GALNT2: variants seen among roughly 807,000 people sequenced by gnomAD.
GALNT2 encodes the protein polypeptide N-acetylgalactosaminyltransferase 2.
Under a neutral mutation model 81.4 loss-of-function variants are expected in GALNT2, and 31 were observed. The ratio of observed to expected loss-of-function variants is 0.38; its 90% CI spans 0.29 to 0.51. The LOEUF is 0.51. GALNT2 is among the 20% of genes least tolerant of loss of function. GALNT2 has a pLI of 0.87. For missense variants in GALNT2, 629 were observed against 765.7 expected (o/e 0.82, Z 2.11); for synonymous variants, 303 against 287.4 (o/e 1.05, Z -0.55).
At chr1:230,247,302 G>A (rs961193274) in intron 8 of GALNT2, among the ~76,000 whole-genome samples, 9 of 152,198 alleles carry the variant, frequency 5.9e-5, no homozygotes, top group Non-Finnish European at 8.8e-5. Flanking sequence ...CTCAGCCACG[G>A]TCCTAGACAT....
At chr1:230,092,104 A>T (rs1230017132) in intron 1 of GALNT2, 1 of 151,286 alleles carries the variant, frequency 6.6e-6, no homozygotes, top group Non-Finnish European at 1.5e-5. Flanking sequence ...TTTAGTAATC[A>T]GTCAGCAAAA....
chr1:230,223,191 C>CT (rs68127660), intron 3 of GALNT2, among the ~76,000 whole-genome samples: 42,508 of 139,122 alleles, frequency 0.31, 6,812 homozygotes, highest in East Asian at 0.65. Flanking sequence ...TTTTTCTTTT[C>CT]TTTTTTTTTT....
chr1:230,241,055 C>A (rs1340107698), intron 6 of GALNT2, among the ~76,000 whole-genome samples: 1 of 152,118 alleles, frequency 6.6e-6, no homozygotes, highest in African/African-American at 2.4e-5. Flanking sequence ...CCATTTGATT[C>A]TTTTTTATAG....
intron 1 of GALNT2, among the ~76,000 whole-genome samples, chr1:230,138,229 A>C (rs1187018804): frequency 4.6e-5 from 7 of 152,202 alleles, no homozygotes; most frequent in Non-Finnish European, 7.3e-5. Context: ...GTTTATTAAG[A>C]AAATAAACAG....
chr1:230,274,676 T>G (rs1176505870), intron 15 of GALNT2, 112 bp downstream of exon 15: 31 of 1,299,168 alleles, frequency 2.4e-5, no homozygotes, highest in Non-Finnish European at 3.2e-5. Context: ...CTGCGTGTAC[T>G]TATGTGTTCT....
At chr1:230,234,284 G>T (rs1032025739) in intron 3 of GALNT2, among the ~76,000 whole-genome samples, 3 of 152,230 alleles carry the variant, frequency 2.0e-5, no homozygotes, top group Middle Eastern at 3.4e-3. Context: ...GTTGGAGGGG[G>T]TGGGGAGGAG....
chr1:230,278,145 A>C (rs1666346725), intron 15 of GALNT2, among the ~76,000 whole-genome samples: 1 of 137,572 alleles, frequency 7.3e-6, no homozygotes, highest in South Asian at 2.3e-4. Context: ...ACAGGATCTC[A>C]CTCTGTTGCT....
At chr1:230,161,425 A>C (rs896602861) in intron 1 of GALNT2, among the ~76,000 whole-genome samples, 1 of 152,230 alleles carries the variant, frequency 6.6e-6, no homozygotes, top group African/African-American at 2.4e-5. Context: ...AAAGCAAATC[A>C]CATGGCCTAG....
chr1:230,204,023 T>G (rs779977720), intron 3 of GALNT2, among the ~76,000 whole-genome samples: 9 of 152,194 alleles, frequency 5.9e-5, no homozygotes, highest in Non-Finnish European at 1.3e-4. Context: ...TTTTATTTTT[T>G]GGTAGAGGTG....
chr1:230,137,141 C>T (rs529874141), intron 1 of GALNT2, among the ~76,000 whole-genome samples: 1 of 152,226 alleles, frequency 6.6e-6, no homozygotes. Flanking sequence ...CCCGCCTGCA[C>T]CCAATAAGCT....
intron 1 of GALNT2, among the ~76,000 whole-genome samples, chr1:230,099,986 A>G (rs902735051): frequency 1.3e-5 from 2 of 152,204 alleles, no homozygotes; most frequent in African/African-American, 2.4e-5. Context: ...TTTATTCCCA[A>G]CCAAGACCTA....
At chr1:230,111,885 T>G (rs556754200) in intron 1 of GALNT2, among the ~76,000 whole-genome samples, 1 of 151,488 alleles carries the variant, frequency 6.6e-6, no homozygotes, top group Non-Finnish European at 1.5e-5. Context: ...GCCCCCAGGA[T>G]TCACATACCA....
chr1:230,260,852 T>C (rs1284474493), intron 11 of GALNT2, among the ~76,000 whole-genome samples: 1 of 152,204 alleles, frequency 6.6e-6, no homozygotes, highest in African/African-American at 2.4e-5. Flanking sequence ...CTCTCATAAT[T>C]TGATGAATTC....
At chr1:230,076,560 T>G (rs544914684) in intron 1 of GALNT2, among the ~76,000 whole-genome samples, 1 of 152,252 alleles carries the variant, frequency 6.6e-6, no homozygotes, top group East Asian at 1.9e-4. Context: ...AACACTGAGC[T>G]TCTGTGATAG....
intron 1 of GALNT2, among the ~76,000 whole-genome samples, chr1:230,154,322 C>T (rs7547269): frequency 0.6 from 90,943 of 152,060 alleles, 27,678 homozygotes; most frequent in Middle Eastern, 0.67. Flanking sequence ...TAGCTCATCA[C>T]CCTCTGCTCT....
chr1:230,234,060 C>A (rs917220325), intron 3 of GALNT2, among the ~76,000 whole-genome samples: 2 of 151,926 alleles, frequency 1.3e-5, no homozygotes, highest in African/African-American at 4.8e-5. Context: ...CAGGTGACAG[C>A]CTTTAGAAGA....
At chr1:230,066,480 G>GT (rs1659184500), upstream of GALNT2, among the ~76,000 whole-genome samples, 1 of 152,178 alleles carries the variant, frequency 6.6e-6, no homozygotes, top group Non-Finnish European at 1.5e-5. Context: ...ACAGAAAAAT[G>GT]TTCTTTTGAA....
chr1:230,241,844 C>T (rs1321436970), intron 6 of GALNT2, among the ~76,000 whole-genome samples: 1 of 152,172 alleles, frequency 6.6e-6, no homozygotes, highest in Non-Finnish European at 1.5e-5. Flanking sequence ...AGATCTTTAC[C>T]AAGCATGTCA....
At chr1:230,082,274 T>G (rs1659758726) in intron 1 of GALNT2, among the ~76,000 whole-genome samples, 2 of 152,242 alleles carry the variant, frequency 1.3e-5, no homozygotes, top group South Asian at 4.1e-4. Context: ...CACATTTGGG[T>G]TACATTTTTA....
Sources: gnomAD v4.1 joint callset for allele counts (sites outside exome capture counted in the v4.1 genomes callset) on GRCh38, gnomAD v4.1.1 for gene constraint, MANE v1.5 for transcripts, NCBI Gene and HGNC (gene_info 2026-07-23, HGNC 2026-07-21) for gene names.